The following MARCHF1 variants were observed in gnomAD, a reference collection of about 807,000 sequenced individuals.
The protein encoded by MARCHF1 is E3 ubiquitin-protein ligase MARCHF1.
A neutral mutation model predicts 54.2 loss-of-function variants in MARCHF1; 40 were observed. That is an observed-to-expected ratio of 0.74 (90% CI 0.57 to 0.96). The LOEUF (loss-of-function observed/expected upper bound fraction) is 0.96. Among genes scored for constraint, MARCHF1 ranks in the 40% least tolerant of loss-of-function variants. The pLI is 0.00. For synonymous variants in MARCHF1, 236 were observed against 236.3 expected (o/e 1.00, Z 0.01); for missense variants, 586 against 656.5 (o/e 0.89, Z 1.17).
intron 1 of MARCHF1, among the ~76,000 whole-genome samples, chr4:164,276,945 T>TAG (rs1230382214): frequency 8.4e-6 from 1 of 119,130 alleles, no homozygotes; most frequent in Non-Finnish European, 1.9e-5. Flanking sequence ...TATATATATA[T>TAG]ATAGAGAGAG....
chr4:163,859,791 T>A (rs1330679092), intron 3 of MARCHF1, among the ~76,000 whole-genome samples: 2 of 152,144 alleles, frequency 1.3e-5, no homozygotes, highest in Non-Finnish European at 2.9e-5. Context: ...ACTCTTCCAA[T>A]CCTCATTATA....
intron 2 of MARCHF1, among the ~76,000 whole-genome samples, chr4:164,056,900 C>T (rs1754502572): frequency 6.6e-6 from 1 of 152,106 alleles, no homozygotes; most frequent in Non-Finnish European, 1.5e-5. Context: ...TTCTCAGCCT[C>T]TCGCTCTCAC....
intron 3 of MARCHF1, among the ~76,000 whole-genome samples, chr4:163,988,185 C>G (rs1018450379): frequency 6.6e-6 from 1 of 152,108 alleles, no homozygotes; most frequent in Non-Finnish European, 1.5e-5. Context: ...AGAGCCAACC[C>G]AAAACAGCCG....
intron 1 of MARCHF1, among the ~76,000 whole-genome samples, chr4:164,342,104 A>T (rs1221020149): frequency 1.3e-5 from 2 of 152,204 alleles, no homozygotes; most frequent in Admixed American, 1.3e-4. Context: ...CAAAATTCAA[A>T]GCAAAAAAAG....
chr4:163,790,683 C>A (rs1168694558), intron 4 of MARCHF1, among the ~76,000 whole-genome samples: 3 of 151,978 alleles, frequency 2.0e-5, no homozygotes, highest in Admixed American at 1.3e-4. Flanking sequence ...CTTTAATAGC[C>A]CAGATGAACT....
intron 4 of MARCHF1, among the ~76,000 whole-genome samples, chr4:163,739,417 A>T (rs1746133889): frequency 1.3e-5 from 2 of 152,226 alleles, no homozygotes. Context: ...AAAATTCAGT[A>T]TGATGAAAAC....
intron 4 of MARCHF1, among the ~76,000 whole-genome samples, chr4:163,710,195 G>C (rs138598264): frequency 2.1e-4 from 32 of 152,180 alleles, no homozygotes; most frequent in African/African-American, 6.0e-4. Context: ...TTTTCCCTAA[G>C]TACAAGGCCA....
At chr4:163,573,785 G>A (rs1478140533) in intron 8 of MARCHF1, among the ~76,000 whole-genome samples, 3 of 151,998 alleles carry the variant, frequency 2.0e-5, no homozygotes, top group African/African-American at 4.8e-5. Context: ...GTGTGCATGT[G>A]TCTTTATAGC....
At chr4:163,943,279 T>C (rs1360273639) in intron 3 of MARCHF1, among the ~76,000 whole-genome samples, 1 of 152,222 alleles carries the variant, frequency 6.6e-6, no homozygotes, top group Non-Finnish European at 1.5e-5. Context: ...ATGTCCAGAA[T>C]AGTACAGCCT....
At chr4:163,877,838 C>A (rs181091933) in intron 3 of MARCHF1, among the ~76,000 whole-genome samples, 1 of 152,102 alleles carries the variant, frequency 6.6e-6, no homozygotes, top group Non-Finnish European at 1.5e-5. Context: ...AAGTGTAAAT[C>A]GAGTAATGTC....
intron 8 of MARCHF1, among the ~76,000 whole-genome samples, chr4:163,559,576 CAT>C (rs1380638256): frequency 2.6e-5 from 4 of 152,300 alleles, no homozygotes; most frequent in Non-Finnish European, 5.9e-5. Context: ...CTTTGAGAAA[CAT>C]AGTTTAAATG....
At chr4:164,380,548 A>C (rs1249811800) in intron 1 of MARCHF1, among the ~76,000 whole-genome samples, 3 of 152,236 alleles carry the variant, frequency 2.0e-5, no homozygotes, top group African/African-American at 7.2e-5. Flanking sequence ...GAAATGAATT[A>C]ATAGTATCAT....
chr4:164,148,168 C>CAA (rs906222391), intron 1 of MARCHF1, among the ~76,000 whole-genome samples: 4 of 151,704 alleles, frequency 2.6e-5, no homozygotes, highest in Admixed American at 2.6e-4. Context: ...CACACACACA[C>CAA]ACTCACGAAT....
At chr4:164,040,578 T>C (rs150175449) in intron 2 of MARCHF1, among the ~76,000 whole-genome samples, 2 of 151,620 alleles carry the variant, frequency 1.3e-5, no homozygotes, top group South Asian at 2.1e-4. Flanking sequence ...AGAATGGAAA[T>C]GAATGTGTGT....
intron 4 of MARCHF1, among the ~76,000 whole-genome samples, chr4:163,830,543 G>T (rs1748989539): frequency 6.6e-6 from 1 of 152,084 alleles, no homozygotes; most frequent in African/African-American, 2.4e-5. Context: ...CCTCCTTCCA[G>T]ATTTGGAAAG....
chr4:163,701,928 G>A (rs1561027591), intron 4 of MARCHF1, among the ~76,000 whole-genome samples: 1 of 152,046 alleles, frequency 6.6e-6, no homozygotes, highest in Non-Finnish European at 1.5e-5. Flanking sequence ...TGAGAACTAA[G>A]TTGTTATAAC....
chr4:163,638,251 A>C (rs1742419140), intron 5 of MARCHF1, among the ~76,000 whole-genome samples: 1 of 151,756 alleles, frequency 6.6e-6, no homozygotes, highest in South Asian at 2.1e-4. Context: ...ATAAAAAAAA[A>C]AATTAAAAAA....
At chr4:163,683,476 C>G (rs1365250167) in intron 5 of MARCHF1, among the ~76,000 whole-genome samples, 1 of 152,044 alleles carries the variant, frequency 6.6e-6, no homozygotes, top group Non-Finnish European at 1.5e-5. Flanking sequence ...CGTCAATGAT[C>G]TAGATTTTGG....
intron 8 of MARCHF1, among the ~76,000 whole-genome samples, chr4:163,583,193 A>G (rs12651196): frequency 0.036 from 5,425 of 152,308 alleles, 342 homozygotes; most frequent in East Asian, 0.21. Flanking sequence ...GTCCCTTTTT[A>G]AAGTGGCTAG....
Sources: allele counts gnomAD v4.1 joint callset (sites outside exome capture counted in the v4.1 genomes callset), GRCh38; gene constraint gnomAD v4.1.1; transcripts MANE v1.5; gene names NCBI Gene and HGNC (gene_info 2026-07-23, HGNC 2026-07-21).